Variants in CECR2 observed in about 807,000 individuals in gnomAD.
CECR2 encodes the protein chromatin remodeling regulator CECR2.
Under a neutral mutation model 154.5 loss-of-function variants are expected in CECR2, and 30 were observed. The ratio of observed to expected loss-of-function variants is 0.19; its 90% CI spans 0.15 to 0.26. The LOEUF is 0.26. Ranked by LOEUF, CECR2 falls within the 10% of genes least tolerant of loss-of-function variation. The probability of loss-of-function intolerance (pLI) is 1.00; values close to 1 mark genes in which losing one functional copy is unlikely to be tolerated. For missense variants in CECR2, 1,743 were observed against 1,829.3 expected (o/e 0.95, Z 0.86); for synonymous variants, 725 against 683.7 (o/e 1.06, Z -0.94).
intron 1 of CECR2, among the ~76,000 whole-genome samples, chr22:17,403,822 T>C (rs2053932717): frequency 7.6e-6 from 1 of 132,338 alleles, no homozygotes; most frequent in Admixed American, 7.8e-5. Flanking sequence ...CATTTTCTTC[T>C]AGAAGTTTTA....
upstream of CECR2, among the ~76,000 whole-genome samples, chr22:17,366,378 G>A (rs181219239): frequency 2.4e-4 from 37 of 152,230 alleles, no homozygotes; most frequent in Admixed American, 1.9e-3. Flanking sequence ...TAGCAGAGAC[G>A]GAGTTTCACC....
chr22:17,467,797 A>G lies in CECR2; in HGVS notation c.127-9791A>G, dbSNP rs111945393. Among the ~76,000 whole-genome samples, 118 of 145,006 alleles carry G rather than the reference A, an allele frequency of 8.1e-4. 1 individual carries two copies. In the Middle Eastern group the frequency reaches 0.011, roughly 14 times the overall value. ...AACTCAGTCTCAAAAAAAAGAAAGA[A>G]AGAGAGAGAGAGTGGAGACTAAACC... On this transcript the variant is annotated intron_variant, in intron 1 of 18. Coordinates refer to ENST00000262608, the MANE Select transcript of CECR2 (RefSeq NM_001290047.2).
rs1272022474 is a variant in CECR2 at position 17,554,557 on chromosome 22, T to A, written c.*1717T>A. On this transcript the variant is annotated 3_prime_UTR_variant, in exon 19 of 19. Transcript: ENST00000262608. ...AGTTCCAGGATGATGGAAGTTCATATCCGTACGCAAATGCTGAACCTGGTG... is the reference window on the plus strand; with the variant it reads ...AGTTCCAGGATGATGGAAGTTCATAACCGTACGCAAATGCTGAACCTGGTG... 6.6e-6 allele frequency: 1 copy of A among 152,184 alleles called. No individual in the cohort carries two copies. The highest frequency in any genetic ancestry group is 1.5e-5 in the Non-Finnish European group (1 of 68,038). 9.4% of individuals were successfully genotyped at this position (152,184 alleles called of 1,614,324 possible). A position where few individuals can be genotyped will look rare whatever the true frequency, so the allele number is the denominator to read the frequency against.
At chr22:17,529,923 C>T (rs981486829) in intron 9 of CECR2, among the ~76,000 whole-genome samples, 4 of 152,164 alleles carry the variant, frequency 2.6e-5, no homozygotes, top group Non-Finnish European at 5.9e-5. Flanking sequence ...CAATTATGTA[C>T]TAATCAGACA....
intron 17 of CECR2, among the ~76,000 whole-genome samples, chr22:17,549,834 C>T (rs2056681338): frequency 6.8e-6 from 1 of 146,936 alleles, no homozygotes; most frequent in Non-Finnish European, 1.5e-5. Flanking sequence ...CCGTGTTGCC[C>T]AGGCTGGTCC....
chr22:17,524,322 C>T (rs375892327), intron 9 of CECR2, 51 bp downstream of exon 9: 9 of 1,590,442 alleles, frequency 5.7e-6, no homozygotes, highest in African/African-American at 2.7e-5. Context: ...GTCGACCAGC[C>T]GTCCTGTAGC....
intron 16 of CECR2, among the ~76,000 whole-genome samples, chr22:17,543,536 G>C (rs574959310): frequency 6.6e-6 from 1 of 150,602 alleles, no homozygotes; most frequent in Non-Finnish European, 1.5e-5. Flanking sequence ...GCAGGTGGGC[G>C]CTTGCTGTGC....
At chr22:17,471,750 G>T (rs1001356701) in intron 1 of CECR2, among the ~76,000 whole-genome samples, 3 of 152,002 alleles carry the variant, frequency 2.0e-5, no homozygotes, top group African/African-American at 7.3e-5. Context: ...GGCCAGGTGG[G>T]TCTCGAACTC....
intron 1 of CECR2, among the ~76,000 whole-genome samples, chr22:17,468,366 C>A (rs1359474738): frequency 1.3e-5 from 2 of 152,112 alleles, no homozygotes; most frequent in African/African-American, 4.8e-5. Context: ...GTCTGGCCCT[C>A]ACCTTTGTAG....
chr22:17,420,587 C>T (rs5992688), intron 1 of CECR2, among the ~76,000 whole-genome samples: 12,526 of 152,016 alleles, frequency 0.082, 1,492 homozygotes, highest in African/African-American at 0.26. Context: ...TAGCTTGTCC[C>T]AACCACTGTG....
intron 2 of CECR2, among the ~76,000 whole-genome samples, chr22:17,480,447 C>CACACACAT (rs1555915315): frequency 1.4e-5 from 2 of 147,744 alleles, no homozygotes; most frequent in Admixed American, 1.4e-4. Flanking sequence ...CACACACACA[C>CACACACAT]ACACACACAC....
At chr22:17,551,042 C>T (rs957328709) in intron 17 of CECR2, among the ~76,000 whole-genome samples, 6 of 152,196 alleles carry the variant, frequency 3.9e-5, no homozygotes, top group Non-Finnish European at 7.3e-5. Flanking sequence ...TATTGCTAGA[C>T]CCTCTCTACT....
chr22:17,433,793 C>A (rs533562631), intron 1 of CECR2, among the ~76,000 whole-genome samples: 1 of 152,178 alleles, frequency 6.6e-6, no homozygotes, highest in African/African-American at 2.4e-5. Flanking sequence ...CAGTTGAATG[C>A]ATTATCAAGG....
In CECR2 at chr22:17,481,456, G is replaced by A. The variant is rs140127891; in HGVS notation, c.221+3774G>A. 2.5e-3 allele frequency among the ~76,000 whole-genome samples: 377 copies of A among 151,934 alleles called. 11 individuals are homozygous for A. Among genetic ancestry groups the A allele is most frequent in the Admixed American group, 0.021 (320 of 15,274 alleles). On this transcript the variant is annotated intron_variant, in intron 2 of 18. Coordinates refer to ENST00000262608, the MANE Select transcript of CECR2 (RefSeq NM_001290047.2). ...AGTTATTATGAGGATTAAACGAAATGATGAGTGAGAGTAATCATCATGAAA... is the reference window on the plus strand; with the variant it reads ...AGTTATTATGAGGATTAAACGAAATAATGAGTGAGAGTAATCATCATGAAA...
chr22:17,364,160 G>A (rs564597072), intron 1 of CECR2, among the ~76,000 whole-genome samples: 75 of 151,670 alleles, frequency 4.9e-4, no homozygotes, highest in African/African-American at 1.8e-3. Context: ...TGGCTAACAC[G>A]GTGAAACCCC....
chr22:17,390,028 CA>C (rs1351397762), intron 1 of CECR2, among the ~76,000 whole-genome samples: 1 of 151,924 alleles, frequency 6.6e-6, no homozygotes, highest in Non-Finnish European at 1.5e-5. Context: ...CCAATTGAGC[CA>C]ATAATATATA....
At chr22:17,505,534 C>CTTTTTTTTTTTTTT (rs11387639) in intron 7 of CECR2, among the ~76,000 whole-genome samples, 4 of 98,842 alleles carry the variant, frequency 4.0e-5, no homozygotes, top group East Asian at 3.3e-4. Flanking sequence ...CCTCTTTTTC[C>CTTTTTTTTTTTTTT]TTTTTTTTTT....
intron 1 of CECR2, among the ~76,000 whole-genome samples, chr22:17,474,982 ATTAG>A (rs528929880): frequency 2.2e-3 from 331 of 152,218 alleles, no homozygotes; most frequent in African/African-American, 7.3e-3. Context: ...CTTAGGAGAA[ATTAG>A]TTAGTACAGA....
At chr22:17,462,977 G>A (rs5747180) in intron 1 of CECR2, among the ~76,000 whole-genome samples, 30,053 of 152,184 alleles carry the variant, frequency 0.2, 3,700 homozygotes, top group East Asian at 0.53. Flanking sequence ...CAAACCCAAA[G>A]CAGACAAAGC....
Sources: allele counts gnomAD v4.1 joint callset (sites outside exome capture counted in the v4.1 genomes callset), GRCh38; gene constraint gnomAD v4.1.1; transcripts MANE v1.5; gene names NCBI Gene and HGNC (gene_info 2026-07-23, HGNC 2026-07-21).